Variants in DYNC2H1 observed in about 807,000 individuals in gnomAD.
DYNC2H1 encodes the protein cytoplasmic dynein 2 heavy chain 1.
DYNC2H1 carries 410 observed loss-of-function variants against 570.0 expected under a neutral mutation model. That is an observed-to-expected ratio of 0.72 (90% CI 0.66 to 0.78). The LOEUF (loss-of-function observed/expected upper bound fraction) is 0.78, where lower values mean the gene tolerates loss of function less well. Ranked by LOEUF, DYNC2H1 falls within the 30% of genes least tolerant of loss-of-function variation. The pLI is 0.00. For synonymous variants in DYNC2H1, 1,688 were observed against 1,677.6 expected (o/e 1.01, Z -0.15); for missense variants, 4,865 against 5,046.4 (o/e 0.96, Z 1.09).
rs775759098 is a variant in DYNC2H1 at position 103,176,367 on chromosome 11, AT to A, written c.5808del (p.Tyr1936Ter). 5 of 1,595,076 alleles carry A rather than the reference AT, an allele frequency of 3.1e-6. No individual in the cohort carries two copies. In the African/African-American group the frequency reaches 6.7e-5, roughly 21 times the overall value. ...GGAATTGAATTGAAAGAAGTGGAAT[AT>A]GATGAACTAAGTGCTGCATTAAAGC... Reference protein sequence around the residue: ...FPGIELKEVEYDELSAALKQV... With the variant: ...FPGIELKEVEXDELSAALKQV... On this transcript the variant is annotated frameshift_variant, in exon 37 of 89. Transcript: ENST00000375735. LOFTEE classifies it high-confidence loss of function.
intron 85 of DYNC2H1, among the ~76,000 whole-genome samples, chr11:103,443,843 T>G (rs1944347151): frequency 6.6e-6 from 1 of 151,894 alleles, no homozygotes; most frequent in South Asian, 2.1e-4. Flanking sequence ...ATATTGGATA[T>G]TTTTAAAATA....
Position 103,259,945 on chromosome 11 carries a change from G to C in DYNC2H1, c.10663G>C (p.Val3555Leu). The C allele has an allele frequency of 2.6e-6, 4 of 1,529,268 alleles. No homozygotes were observed. Among genetic ancestry groups the C allele is most frequent in the Non-Finnish European group, 3.5e-6 (4 of 1,136,026 alleles). 94.7% of individuals were successfully genotyped at this position (1,529,268 alleles called of 1,614,324 possible). A position where few individuals can be genotyped will look rare whatever the true frequency, so the allele number is the denominator to read the frequency against. The change falls in exon 70 of 89, where the codon GTA (valine) becomes CTA (leucine). Residue 3555 changes from valine to leucine, a missense_variant. Coordinates refer to ENST00000375735, the MANE Select transcript of DYNC2H1 (RefSeq NM_001377.3). ...ACTTATCAGCTCATTACAACATATG[G>C]TATATGAATATATATGTCGTTGTCT... The part of the protein sequence containing the change: ...QSLISSLQHM[V>L]YEYICRCLFK...
intron 84 of DYNC2H1, chr11:103,407,608 A>G (rs1366332440): frequency 6.6e-6 from 1 of 151,972 alleles, no homozygotes; most frequent in Non-Finnish European, 1.5e-5. Flanking sequence ...GAGTGTCTTG[A>G]TAATGAAATT....
intron 46 of DYNC2H1, among the ~76,000 whole-genome samples, chr11:103,191,891 A>T (rs1455055941): frequency 2.0e-5 from 3 of 152,088 alleles, no homozygotes; most frequent in Non-Finnish European, 4.4e-5. Flanking sequence ...ACAACTAGAG[A>T]TGATAGTATT....
At chr11:103,313,196 A>G (rs562747973) in intron 79 of DYNC2H1, among the ~76,000 whole-genome samples, 3 of 152,278 alleles carry the variant, frequency 2.0e-5, no homozygotes, top group South Asian at 2.1e-4. Context: ...AGACCCACCT[A>G]TCTCTTCAGC....
intron 82 of DYNC2H1, among the ~76,000 whole-genome samples, chr11:103,356,618 G>A (rs1163882586): frequency 6.6e-6 from 1 of 152,162 alleles, no homozygotes; most frequent in Non-Finnish European, 1.5e-5. Flanking sequence ...GTGTTTTGTA[G>A]TGTAGCAAAG....
At chr11:103,422,967 C>G (rs1036685887) in intron 84 of DYNC2H1, among the ~76,000 whole-genome samples, 26 of 112,978 alleles carry the variant, frequency 2.3e-4, no homozygotes, top group Non-Finnish European at 1.2e-4. Context: ...GCTAGGAATA[C>G]CTCTGCAGGA....
intron 85 of DYNC2H1, among the ~76,000 whole-genome samples, chr11:103,452,298 AT>A (rs1384412090): frequency 2.0e-5 from 3 of 151,006 alleles, no homozygotes; most frequent in Non-Finnish European, 4.4e-5. Context: ...CTTTAAAGGA[AT>A]TTTTCCTCCA....
intron 32 of DYNC2H1, among the ~76,000 whole-genome samples, chr11:103,169,547 T>A (rs1003984988): frequency 2.0e-5 from 3 of 152,140 alleles, no homozygotes; most frequent in African/African-American, 7.2e-5. Context: ...GGAAATGTAT[T>A]TGGGACCCAA....
chr11:103,336,430 T>A (rs1939131300), intron 82 of DYNC2H1, among the ~76,000 whole-genome samples: 1 of 152,082 alleles, frequency 6.6e-6, no homozygotes, highest in Admixed American at 6.6e-5. Context: ...AACCAACCCC[T>A]TTTTATCCTA....
At chr11:103,426,970 T>C (rs1178293396) in intron 84 of DYNC2H1, among the ~76,000 whole-genome samples, 1 of 152,132 alleles carries the variant, frequency 6.6e-6, no homozygotes, top group East Asian at 1.9e-4. Flanking sequence ...TGTTTCTTGT[T>C]ACGGCTCATT....
intron 83 of DYNC2H1, among the ~76,000 whole-genome samples, chr11:103,391,277 A>G (rs1002552014): frequency 6.6e-6 from 1 of 152,136 alleles, no homozygotes; most frequent in Non-Finnish European, 1.5e-5. Context: ...CCTTTCTTCC[A>G]GTTGATTGAA....
chr11:103,204,052 C>A lies in DYNC2H1; in HGVS notation c.8311+276C>A, dbSNP rs978188717. Among the ~76,000 whole-genome samples the A allele has an allele frequency of 6.6e-6, 1 of 151,980 alleles. No homozygotes were observed. Among genetic ancestry groups the A allele is most frequent in the Non-Finnish European group, 1.5e-5 (1 of 68,014 alleles). On this transcript the variant is annotated intron_variant, in intron 51 of 88. Transcript: ENST00000375735. This position sits in a 1 kb window ranked among gnomAD's most constrained non-coding sequence, Gnocchi z 4.1. Reference sequence around the variant, plus strand: ...CACAGTTCCCACATGGCTGGGGAGGCCTCACAATCATGGTGGAAGGGAAGG... The same window carrying A: ...CACAGTTCCCACATGGCTGGGGAGGACTCACAATCATGGTGGAAGGGAAGG...
At chr11:103,458,639 C>T (rs752585271) in intron 87 of DYNC2H1, among the ~76,000 whole-genome samples, 1 of 149,718 alleles carries the variant, frequency 6.7e-6, no homozygotes, top group Non-Finnish European at 1.5e-5. Flanking sequence ...CTATTTCTTT[C>T]GTAGTACAAA....
At chr11:103,192,796 G>T (rs1485745090) in intron 47 of DYNC2H1, among the ~76,000 whole-genome samples, 1 of 152,102 alleles carries the variant, frequency 6.6e-6, no homozygotes, top group Non-Finnish European at 1.5e-5. Context: ...GAAAACTATC[G>T]TGGGAGTAAT....
Position 103,254,207 on chromosome 11 carries a change from G to A in DYNC2H1, c.10206+759G>A, listed in dbSNP as rs1303235538. Reference sequence around the variant, plus strand: ...ATGAACAATATCTTTTGATTGACTTGATGATACTTCTTTTAAATAAAACAA... The same window carrying A: ...ATGAACAATATCTTTTGATTGACTTAATGATACTTCTTTTAAATAAAACAA... On this transcript the variant is annotated intron_variant, in intron 66 of 88. Coordinates refer to ENST00000375735, the MANE Select transcript of DYNC2H1 (RefSeq NM_001377.3). This position sits in a 1 kb window ranked among gnomAD's most constrained non-coding sequence, Gnocchi z 4.9. Among the ~76,000 whole-genome samples, 2 of 152,070 alleles carry A rather than the reference G, an allele frequency of 1.3e-5. No homozygotes were observed. The highest frequency in any genetic ancestry group is 2.9e-5 in the Non-Finnish European group (2 of 67,990).
intron 10 of DYNC2H1, 122 bp downstream of exon 10, chr11:103,121,618 T>C (rs1167565087): frequency 9.0e-7 from 1 of 1,106,040 alleles, no homozygotes; most frequent in Non-Finnish European, 1.2e-6. Context: ...GTCTGTCTAA[T>C]TTTCATACAA....
At position 103,280,306 on chromosome 11, in the gene DYNC2H1, C is replaced by T; in HGVS notation, c.10696-42C>T. The T allele has an allele frequency of 6.5e-7, 1 of 1,543,928 alleles. No homozygotes were observed. Among genetic ancestry groups the T allele is most frequent in the Non-Finnish European group, 8.8e-7 (1 of 1,141,604 alleles). On this transcript the variant is annotated intron_variant, in intron 70 of 88. Coordinates refer to ENST00000375735, the MANE Select transcript of DYNC2H1 (RefSeq NM_001377.3). This position sits in a 1 kb window ranked among gnomAD's most constrained non-coding sequence, Gnocchi z 4.7. ...TAACGACTATGCTTTTCCAAAGACA[C>T]AAATTTTTAAAAGGCAAGATAATAT...
intron 53 of DYNC2H1, among the ~76,000 whole-genome samples, chr11:103,210,442 A>G (rs1555070167): frequency 2.0e-5 from 3 of 152,000 alleles, no homozygotes; most frequent in Non-Finnish European, 4.4e-5. Context: ...ACCATAGCTT[A>G]TTAACTTATT....
Sources: allele counts gnomAD v4.1 joint callset (sites outside exome capture counted in the v4.1 genomes callset), GRCh38; gene constraint gnomAD v4.1.1; non-coding constraint Gnocchi (gnomAD v3.1); transcripts MANE v1.5; gene names NCBI Gene and HGNC (gene_info 2026-07-23, HGNC 2026-07-21).